Variants in INVS observed in about 807,000 individuals in gnomAD.
INVS encodes the protein inversion of embryo turning homolog.
Under a neutral mutation model 108.8 loss-of-function variants are expected in INVS, and 86 were observed. That is an observed-to-expected ratio of 0.79 (90% CI 0.66 to 0.95). INVS has a LOEUF of 0.95. Among genes scored for constraint, INVS ranks in the 40% least tolerant of loss-of-function variants. The pLI, the probability that INVS is intolerant of heterozygous loss-of-function variation, is 0.00. For synonymous variants in INVS, 455 were observed against 473.5 expected (o/e 0.96, Z 0.51); for missense variants, 1,169 against 1,297.4 (o/e 0.90, Z 1.52).
At chr9:100,107,744 A>ATTATCAC (rs1444474072) in intron 2 of INVS, among the ~76,000 whole-genome samples, 1 of 152,132 alleles carries the variant, frequency 6.6e-6, no homozygotes. Flanking sequence ...CTTGTTTCAG[A>ATTATCAC]TTATCACTGT....
chr9:100,104,537 A>G lies in INVS; in HGVS notation c.16A>G (p.Asn6Asp). Residue 6 changes from asparagine to aspartate, a missense_variant, in exon 2 of 17, where the codon AAC (asparagine) becomes GAC (aspartate). Asn to Asp is a conservative substitution (Grantham distance 23). This residue lies in a region of INVS where 365 missense variants were observed against 397.5 expected (regional missense o/e 0.92). Coordinates refer to ENST00000262457, the MANE Select transcript of INVS (RefSeq NM_014425.5). MNKSE[N>D]LLFAGSSLAS... Reference sequence around the variant, plus strand: ...TAAGAAGACTATGAACAAGTCAGAGAACCTGCTGTTTGCTGGTTCATCATT... The same window carrying G: ...TAAGAAGACTATGAACAAGTCAGAGGACCTGCTGTTTGCTGGTTCATCATT... 1.2e-6 allele frequency: 2 copies of G among 1,613,930 alleles called. No individual in the cohort carries two copies. The highest frequency in any genetic ancestry group is 1.7e-6 in the Non-Finnish European group (2 of 1,179,818).
At chr9:100,108,956 G>C (rs572243692) in intron 2 of INVS, among the ~76,000 whole-genome samples, 4 of 152,282 alleles carry the variant, frequency 2.6e-5, no homozygotes, top group African/African-American at 9.6e-5. Context: ...GCTTACTTCT[G>C]AGCCTTAAAA....
chr9:100,125,698 T>C (rs1827862228), intron 2 of INVS, among the ~76,000 whole-genome samples: 1 of 151,274 alleles, frequency 6.6e-6, no homozygotes, highest in South Asian at 2.1e-4. Context: ...TTTTTTTTTT[T>C]TTTTGAGATG....
At chr9:100,260,568 T>G (rs577172590) in intron 10 of INVS, among the ~76,000 whole-genome samples, 5 of 152,346 alleles carry the variant, frequency 3.3e-5, no homozygotes, top group African/African-American at 1.2e-4. Context: ...TCTTTTTAAT[T>G]ATCATGAATG....
chr9:100,270,432 G>A (rs569567333), intron 11 of INVS, among the ~76,000 whole-genome samples: 7 of 152,064 alleles, frequency 4.6e-5, no homozygotes, highest in Admixed American at 1.3e-4. Flanking sequence ...AGAACATGGC[G>A]AAATCCCATC....
chr9:100,117,382 G>A (rs1827567700), intron 2 of INVS: 2 of 767,912 alleles, frequency 2.6e-6, no homozygotes, highest in African/African-American at 3.4e-5. Context: ...TGGGCAGGGA[G>A]AAGAGACAGA....
At chr9:100,277,597 T>TA (rs898332720) in intron 12 of INVS, among the ~76,000 whole-genome samples, 1 of 152,312 alleles carries the variant, frequency 6.6e-6, no homozygotes, top group Admixed American at 6.5e-5. Flanking sequence ...GATTTTTTTT[T>TA]ATCACATTCT....
At chr9:100,191,296 C>T (rs1166315914) in intron 3 of INVS, among the ~76,000 whole-genome samples, 1 of 152,174 alleles carries the variant, frequency 6.6e-6, no homozygotes, top group Non-Finnish European at 1.5e-5. Flanking sequence ...TGTTTGTCTT[C>T]TCCCTCAGGA....
chr9:100,142,993 C>T (rs866916816), intron 3 of INVS, among the ~76,000 whole-genome samples: 2 of 152,088 alleles, frequency 1.3e-5, no homozygotes, highest in Non-Finnish European at 2.9e-5. Context: ...GAGAATTATG[C>T]TGAGATAGGT....
At position 100,145,176 on chromosome 9, in the gene INVS, G is replaced by A. The variant is rs548121566; in HGVS notation, c.273+18627G>A. Among the ~76,000 whole-genome samples, 20 of 152,034 alleles carry A rather than the reference G, an allele frequency of 1.3e-4. 1 individual carries two copies. Among genetic ancestry groups the A allele is most frequent in the Admixed American group, 3.9e-4 (6 of 15,258 alleles). ...GAAGAAGGAGGAATGGAGGGTGGAA[G>A]GTTGCCCATAGTGAAGGAAGCAAGC... On this transcript the variant is annotated intron_variant, in intron 3 of 16. Transcript: ENST00000262457.
intron 3 of INVS, chr9:100,130,184 T>A (rs1286381706): frequency 6.6e-6 from 1 of 152,412 alleles, no homozygotes; most frequent in Non-Finnish European, 1.5e-5. Context: ...CACAACCTAG[T>A]TCATTAATTT....
At chr9:100,112,382 T>C (rs1360572681) in intron 2 of INVS, among the ~76,000 whole-genome samples, 1 of 152,192 alleles carries the variant, frequency 6.6e-6, no homozygotes, top group Admixed American at 6.5e-5. Flanking sequence ...GGGAAATACA[T>C]ATATCGGTTA....
chr9:100,100,727 TATA>T (rs1826851240), intron 1 of INVS, among the ~76,000 whole-genome samples: 1 of 58,734 alleles, frequency 1.7e-5, no homozygotes, highest in Non-Finnish European at 2.9e-5. Context: ...TATATGTACA[TATA>T]ATATATATAT....
intron 3 of INVS, among the ~76,000 whole-genome samples, chr9:100,177,991 TG>T (rs1363394188): frequency 2.0e-5 from 3 of 152,232 alleles, no homozygotes; most frequent in Non-Finnish European, 2.9e-5. Flanking sequence ...AAACAGGGTC[TG>T]GAGTGGACTT....
intron 3 of INVS, among the ~76,000 whole-genome samples, chr9:100,178,609 T>C (rs1210438946): frequency 6.6e-6 from 1 of 152,064 alleles, no homozygotes; most frequent in Non-Finnish European, 1.5e-5. Context: ...TGAAAAGGAA[T>C]GCACAAAGAC....
At chr9:100,200,365 A>G (rs1392440944) in intron 3 of INVS, among the ~76,000 whole-genome samples, 1 of 152,204 alleles carries the variant, frequency 6.6e-6, no homozygotes, top group Non-Finnish European at 1.5e-5. Flanking sequence ...TTTTTATAGC[A>G]TACTCAGAAT....
chr9:100,138,354 C>T (rs190480944), intron 3 of INVS, among the ~76,000 whole-genome samples: 18 of 152,042 alleles, frequency 1.2e-4, no homozygotes, highest in Admixed American at 6.5e-4. Flanking sequence ...TGCAGTGAGC[C>T]GAGATCGTGC....
chr9:100,169,093 G>A (rs1448200300), intron 3 of INVS, among the ~76,000 whole-genome samples: 1 of 152,116 alleles, frequency 6.6e-6, no homozygotes, highest in Non-Finnish European at 1.5e-5. Context: ...ATGAAGTATG[G>A]ATATGTGACA....
At chr9:100,129,729 A>G in intron 3 of INVS, 2 of 707,092 alleles carry the variant, frequency 2.8e-6, no homozygotes, top group South Asian at 3.0e-5. Flanking sequence ...TCATTCAAAG[A>G]AGAGAAACAC....
Sources: allele counts gnomAD v4.1 joint callset (sites outside exome capture counted in the v4.1 genomes callset), GRCh38; gene constraint gnomAD v4.1.1; regional missense constraint gnomAD v4.1.1; transcripts MANE v1.5; gene names NCBI Gene and HGNC (gene_info 2026-07-23, HGNC 2026-07-21).